SLC25A15: variants seen among roughly 807,000 people sequenced by gnomAD.
The protein encoded by SLC25A15 is solute carrier family 25 member 15, also known as mitochondrial ornithine transporter 1.
SLC25A15 carries 24 observed loss-of-function variants against 32.3 expected under a neutral mutation model. The observed-to-expected ratio is 0.74, with a 90% CI of 0.54 to 1.04. SLC25A15 has a LOEUF of 1.04. Ranked by LOEUF, SLC25A15 falls within the 50% of genes least tolerant of loss-of-function variation. The probability of loss-of-function intolerance (pLI) is 0.00; values close to 1 mark genes in which losing one functional copy is unlikely to be tolerated. For missense variants in SLC25A15, 317 were observed against 374.5 expected (o/e 0.85, Z 1.27); for synonymous variants, 132 against 142.1 (o/e 0.93, Z 0.51).
At chr13:40,800,946 C>T (rs1313303150) in intron 3 of SLC25A15, among the ~76,000 whole-genome samples, 3 of 152,084 alleles carry the variant, frequency 2.0e-5, no homozygotes, top group African/African-American at 4.8e-5. Context: ...ATTAAAGATG[C>T]GTAAGGCTGG....
intron 1 of SLC25A15, among the ~76,000 whole-genome samples, chr13:40,790,211 C>T (rs1881431049): frequency 6.6e-6 from 1 of 151,814 alleles, no homozygotes; most frequent in Admixed American, 6.6e-5. Context: ...CTGGGATCTT[C>T]CCGCAGCAGT....
chr13:40,811,506 A>C lies in SLC25A15; in HGVS notation c.*1839A>C, dbSNP rs1003605648. Among the ~76,000 whole-genome samples the C allele has an allele frequency of 2.0e-5, 3 of 150,322 alleles. No homozygotes were observed. The highest frequency in any genetic ancestry group is 4.4e-5 in the Non-Finnish European group (3 of 67,880). On this transcript the variant is annotated 3_prime_UTR_variant, in exon 7 of 7. Coordinates refer to ENST00000338625, the MANE Select transcript of SLC25A15 (RefSeq NM_014252.4). ...TTCATCTCAAAAAAAAAAAGAAAAG[A>C]AAAGCAATTGTACTTCACTATGCCA...
chr13:40,804,765 T>TGGTC (rs1882088670), intron 3 of SLC25A15, among the ~76,000 whole-genome samples: 1 of 151,444 alleles, frequency 6.6e-6, no homozygotes, highest in Non-Finnish European at 1.5e-5. Context: ...TTAGCCAGGA[T>TGGTC]GGTCTCGATC....
intron 6 of SLC25A15, among the ~76,000 whole-genome samples, chr13:40,809,182 G>A (rs191625701): frequency 7.9e-5 from 12 of 152,228 alleles, no homozygotes; most frequent in African/African-American, 1.9e-4. Flanking sequence ...CAACTTCAAG[G>A]TTGGTGTTCC....
chr13:40,794,494 T>C (rs1447702012), intron 2 of SLC25A15, among the ~76,000 whole-genome samples: 2 of 151,814 alleles, frequency 1.3e-5, no homozygotes, highest in Non-Finnish European at 2.9e-5. Context: ...CACAGGGAGG[T>C]GCTACCTGTG....
intron 3 of SLC25A15, among the ~76,000 whole-genome samples, chr13:40,801,956 CAT>C (rs1269869452): frequency 2.0e-5 from 3 of 152,240 alleles, no homozygotes; most frequent in Non-Finnish European, 4.4e-5. Flanking sequence ...AAGTCCACTG[CAT>C]ATCTGATTTG....
chr13:40,801,004 G>A (rs1366655401), intron 3 of SLC25A15, among the ~76,000 whole-genome samples: 2 of 152,136 alleles, frequency 1.3e-5, no homozygotes, highest in African/African-American at 4.8e-5. Context: ...AGGCTGAGGT[G>A]GGCAGATTAC....
Position 40,811,161 on chromosome 13 carries a change from A to G in SLC25A15, c.*1494A>G, listed in dbSNP as rs113342797. Among the ~76,000 whole-genome samples the G allele has an allele frequency of 0.01, 1,541 of 152,332 alleles. 35 individuals carry two copies. The highest frequency in any genetic ancestry group is 0.034 in the African/African-American group (1,419 of 41,570). On this transcript the variant is annotated 3_prime_UTR_variant, in exon 7 of 7. Coordinates refer to ENST00000338625, the MANE Select transcript of SLC25A15 (RefSeq NM_014252.4). ...CAGTAAGTCTTAATGATGACTGTAT[A>G]TGTGATATGAGTTTATAAAGCAATG...
chr13:40,795,310 ATC>A (rs1160851981), intron 2 of SLC25A15, among the ~76,000 whole-genome samples: 1 of 152,200 alleles, frequency 6.6e-6, no homozygotes, highest in African/African-American at 2.4e-5. Context: ...CTTTCAGTCA[ATC>A]TGTCAAAGAT....
chr13:40,808,462 G>T lies in SLC25A15; in HGVS notation c.647G>T (p.Gly216Val). 6.2e-7 allele frequency: 1 copy of T among 1,613,632 alleles called. No individual in the cohort carries two copies. The highest frequency in any genetic ancestry group is 8.5e-7 in the Non-Finnish European group (1 of 1,179,988). The change falls in exon 6 of 7, where the codon GGT (glycine) becomes GTT (valine). Residue 216 changes from glycine to valine, a missense_variant. By Grantham distance (109) the Gly-to-Val change is moderately radical. Transcript: ENST00000338625. ...GGCCCTGTACCTTTGATGTTAAGTGGTGGAGTTGGTGGGATTTGCCTCTGG... is the reference window on the plus strand; with the variant it reads ...GGCCCTGTACCTTTGATGTTAAGTGTTGGAGTTGGTGGGATTTGCCTCTGG... ...ELGPVPLMLS[G>V]GVGGICLWLA...
chr13:40,807,313 A>G lies in SLC25A15; in HGVS notation c.472A>G (p.Lys158Glu). ...KSQNTVWSVI[K>E]SILRKDGPLG... ...TCCCAGTACAGTGTGGTCTGTCATC[A>G]AAAGTATTCTTAGGAAAGATGGCCC... The change falls in exon 5 of 7, where the codon AAA (lysine) becomes GAA (glutamate). Residue 158 changes from lysine (K) to glutamate (E), a missense_variant. Lys to Glu is a moderately conservative substitution (Grantham distance 56). Transcript: ENST00000338625. 6.2e-7 allele frequency: 1 copy of G among 1,614,100 alleles called. No homozygotes were observed. Among genetic ancestry groups the G allele is most frequent in the Non-Finnish European group, 8.5e-7 (1 of 1,180,000 alleles).
chr13:40,797,331 A>G (rs1015210052), intron 2 of SLC25A15, among the ~76,000 whole-genome samples: 1 of 152,210 alleles, frequency 6.6e-6, no homozygotes, highest in Non-Finnish European at 1.5e-5. Flanking sequence ...TAAAATATGA[A>G]TGTGCTGAAT....
rs1476168132 is a variant in SLC25A15, at chr13:40,809,545, A to G, written c.784A>G (p.Ile262Val). Residue 262 changes from isoleucine to valine, a missense_variant and splice_region_variant, in exon 7 of 7, where the codon ATA (isoleucine) becomes GTA (valine). Transcript: ENST00000338625. ...TFINVVKNEGITALYSGLKPT... is the reference protein window; with the variant it reads ...TFINVVKNEGVTALYSGLKPT... ...TTGACCGCCCTTTTATTTGCTAGGA[A>G]TAACGGCCTTATATTCTGGACTGAA... 2.5e-6 allele frequency: 4 copies of G among 1,611,936 alleles called. No homozygotes were observed. Among genetic ancestry groups the G allele is most frequent in the South Asian group, 1.1e-5 (1 of 91,000 alleles).
At chr13:40,803,221 G>GT (rs35018310) in intron 3 of SLC25A15, among the ~76,000 whole-genome samples, 58,221 of 146,282 alleles carry the variant, frequency 0.4, 11,592 homozygotes, top group East Asian at 0.51. Context: ...CCCCGTATTC[G>GT]TTTTTTTTTT....
rs752025971 is a variant in SLC25A15, at chr13:40,805,110, G to C, written c.315-8G>C. 6.2e-7 allele frequency: 1 copy of C among 1,614,024 alleles called. No homozygotes were observed. The highest frequency in any genetic ancestry group is 8.5e-7 in the Non-Finnish European group (1 of 1,179,936). ...CTGAGGGGTAACTGTCTGCTTGTGT[G>C]CTTTCAGTGATCTGCAGAATGCAGC... On this transcript the variant is annotated splice_region_variant and splice_polypyrimidine_tract_variant and intron_variant, in intron 3 of 6. Transcript: ENST00000338625.
chr13:40,799,312 T>G lies in SLC25A15; in HGVS notation c.311T>G (p.Leu104Arg), dbSNP rs751822761. The G allele has an allele frequency of 6.2e-7, 1 of 1,614,142 alleles. No homozygotes were observed. The highest frequency in any genetic ancestry group is 8.5e-7 in the Non-Finnish European group (1 of 1,180,022). Reference sequence around the variant, plus strand: ...GCTGGATTGGACAAGCAGGCAAAGCTGAGGTGAGTCAAGGACACACACTTT... The same window carrying G: ...GCTGGATTGGACAAGCAGGCAAAGCGGAGGTGAGTCAAGGACACACACTTT... ...KVAGLDKQAK[L>R]SDLQNAAAGS... is the part of the protein sequence containing the mutation. Residue 104 changes from leucine (L) to arginine (R), a missense_variant, in exon 3 of 7, where the codon CTG becomes CGG. Coordinates refer to ENST00000338625, the MANE Select transcript of SLC25A15 (RefSeq NM_014252.4).
rs1457621708 is a variant in SLC25A15 at position 40,811,570 on chromosome 13, C to T, written c.*1903C>T. 6.6e-6 allele frequency among the ~76,000 whole-genome samples: 1 copy of T among 152,104 alleles called. No individual in the cohort carries two copies. The highest frequency in any genetic ancestry group is 1.5e-5 in the Non-Finnish European group (1 of 67,998). On this transcript the variant is annotated 3_prime_UTR_variant, in exon 7 of 7. Transcript: ENST00000338625. ...ACTGACCAAAAATTCACTGACCAACCAACCAAACTCCACACTTCATCTGAT... is the reference window on the plus strand; with the variant it reads ...ACTGACCAAAAATTCACTGACCAACTAACCAAACTCCACACTTCATCTGAT...
chr13:40,791,233 G>C (rs1008311949), intron 1 of SLC25A15, among the ~76,000 whole-genome samples: 17 of 152,054 alleles, frequency 1.1e-4, no homozygotes, highest in African/African-American at 4.1e-4. Flanking sequence ...GTGTGGCCTT[G>C]GAGAAGACCT....
chr13:40,791,301 TTTTATTTATTTA>T (rs58686711), intron 1 of SLC25A15, among the ~76,000 whole-genome samples: 5,192 of 140,674 alleles, frequency 0.037, 237 homozygotes, highest in East Asian at 0.16. Flanking sequence ...CTGATAAACT[TTTTATTTATTTA>T]TTTATTTATT....
Sources: gnomAD v4.1 joint callset for allele counts (sites outside exome capture counted in the v4.1 genomes callset) on GRCh38, gnomAD v4.1.1 for gene constraint, MANE v1.5 for transcripts, NCBI Gene and HGNC (gene_info 2026-07-23, HGNC 2026-07-21) for gene names.